Variants in KCNIP4 observed in about 807,000 individuals in gnomAD.
The protein encoded by KCNIP4 is Kv channel-interacting protein 4.
In KCNIP4, 12 loss-of-function variants were observed where a neutral mutation model predicts 34.0. That is an observed-to-expected ratio of 0.35 (90% CI 0.23 to 0.57). The LOEUF is 0.57. KCNIP4 is among the 20% of genes least tolerant of loss of function. The probability of loss-of-function intolerance (pLI) is 0.83; values close to 1 mark genes in which losing one functional copy is unlikely to be tolerated. For synonymous variants in KCNIP4, 124 were observed against 102.2 expected, an observed-to-expected ratio of 1.21 and a Z score of -1.29; for missense variants, 238 against 311.7, an observed-to-expected ratio of 0.76 and a Z score of 1.78.
At chr4:21,476,816 C>T (rs185852936) in intron 1 of KCNIP4, among the ~76,000 whole-genome samples, 2 of 152,226 alleles carry the variant, frequency 1.3e-5, no homozygotes, top group African/African-American at 4.8e-5. Flanking sequence ...GTGTGTGTCC[C>T]TTTTCTTAAG....
intron 1 of KCNIP4, among the ~76,000 whole-genome samples, chr4:21,653,161 T>C (rs1210619471): frequency 6.6e-6 from 1 of 152,222 alleles, no homozygotes; most frequent in Non-Finnish European, 1.5e-5. Flanking sequence ...CATTGCAATG[T>C]ATCTGTTTGT....
intron 1 of KCNIP4, among the ~76,000 whole-genome samples, chr4:21,003,890 G>A (rs1406691941): frequency 6.6e-6 from 1 of 152,120 alleles, no homozygotes; most frequent in Admixed American, 6.5e-5. Flanking sequence ...GTCTGGAATC[G>A]CATGATGTGT....
At chr4:21,024,992 T>C (rs1577554861) in intron 1 of KCNIP4, among the ~76,000 whole-genome samples, 1 of 152,346 alleles carries the variant, frequency 6.6e-6, no homozygotes, top group African/African-American at 2.4e-5. Context: ...TTTAAATATG[T>C]AGAGCTTATT....
intron 1 of KCNIP4, among the ~76,000 whole-genome samples, chr4:21,000,609 C>T (rs561891015): frequency 2.2e-4 from 34 of 151,936 alleles, no homozygotes; most frequent in African/African-American, 6.8e-4. Flanking sequence ...GACTTGAACC[C>T]GGGAGGTGGA....
intron 1 of KCNIP4, among the ~76,000 whole-genome samples, chr4:21,043,841 G>A (rs1291038987): frequency 6.6e-6 from 1 of 152,134 alleles, no homozygotes; most frequent in Non-Finnish European, 1.5e-5. Flanking sequence ...AAGCATGAAA[G>A]AGGAAACTTG....
At chr4:21,244,925 C>T (rs904493491) in intron 1 of KCNIP4, among the ~76,000 whole-genome samples, 3 of 152,098 alleles carry the variant, frequency 2.0e-5, no homozygotes, top group African/African-American at 7.2e-5. Context: ...GTATTAAATG[C>T]TACTGAATCA....
At chr4:21,624,952 A>G (rs2109187551) in intron 1 of KCNIP4, among the ~76,000 whole-genome samples, 1 of 152,276 alleles carries the variant, frequency 6.6e-6, no homozygotes, top group East Asian at 1.9e-4. Context: ...GTGACAAAGT[A>G]GCTGACAGAA....
chr4:21,746,481 C>T (rs898534355), intron 1 of KCNIP4, among the ~76,000 whole-genome samples: 16 of 151,854 alleles, frequency 1.1e-4, no homozygotes, highest in African/African-American at 3.9e-4. Context: ...ACTTTGAATG[C>T]TATTGGCAGG....
intron 2 of KCNIP4, among the ~76,000 whole-genome samples, chr4:20,864,406 C>T (rs1722652802): frequency 6.7e-6 from 1 of 150,208 alleles, no homozygotes; most frequent in Admixed American, 6.7e-5. Context: ...ATATATATAA[C>T]ATATATATAC....
chr4:21,593,668 G>A (rs916806217), intron 1 of KCNIP4, among the ~76,000 whole-genome samples: 2 of 152,072 alleles, frequency 1.3e-5, no homozygotes, highest in Admixed American at 6.6e-5. Flanking sequence ...GCCAGCTGGT[G>A]AGAATTCCCA....
chr4:21,353,839 A>G (rs1020989452), intron 1 of KCNIP4, among the ~76,000 whole-genome samples: 7 of 152,176 alleles, frequency 4.6e-5, no homozygotes, highest in Admixed American at 1.3e-4. Flanking sequence ...CCCAAGACAC[A>G]CAATTATCAG....
chr4:20,887,937 A>G (rs930122367), intron 1 of KCNIP4, among the ~76,000 whole-genome samples: 7 of 152,110 alleles, frequency 4.6e-5, no homozygotes, highest in Admixed American at 3.3e-4. Flanking sequence ...TGACAATAAT[A>G]ACATGAAAGT....
chr4:21,684,636 A>C (rs1750671007), intron 1 of KCNIP4, among the ~76,000 whole-genome samples: 1 of 152,172 alleles, frequency 6.6e-6, no homozygotes, highest in African/African-American at 2.4e-5. Context: ...CAAGATTAAT[A>C]GTTAATCTTA....
chr4:20,776,182 C>G (rs1756352513), intron 3 of KCNIP4, among the ~76,000 whole-genome samples: 1 of 152,140 alleles, frequency 6.6e-6, no homozygotes, highest in Non-Finnish European at 1.5e-5. Flanking sequence ...CTCTTCAAAA[C>G]TTATATGAGC....
intron 1 of KCNIP4, among the ~76,000 whole-genome samples, chr4:21,111,798 G>T (rs1437161831): frequency 1.3e-5 from 2 of 152,132 alleles, no homozygotes; most frequent in Admixed American, 1.3e-4. Context: ...ACAGTGCGGA[G>T]AAATGATGGA....
At chr4:21,811,136 C>T (rs1721626582) in intron 1 of KCNIP4, among the ~76,000 whole-genome samples, 1 of 152,112 alleles carries the variant, frequency 6.6e-6, no homozygotes, top group African/African-American at 2.4e-5. Flanking sequence ...AAAAGTAACA[C>T]AAATGAGAGA....
chr4:21,254,042 G>A (rs1760896584), intron 1 of KCNIP4, among the ~76,000 whole-genome samples: 1 of 152,206 alleles, frequency 6.6e-6, no homozygotes, highest in African/African-American at 2.4e-5. Context: ...CAGGGGTAAG[G>A]GAGAGGTGAG....
At chr4:21,068,590 C>A (rs1036778395) in intron 1 of KCNIP4, among the ~76,000 whole-genome samples, 6 of 152,112 alleles carry the variant, frequency 3.9e-5, no homozygotes, top group Non-Finnish European at 8.8e-5. Context: ...GGAATACTTT[C>A]TCTCTCTCTG....
chr4:20,875,473 AG>A (rs1215859931), intron 2 of KCNIP4, among the ~76,000 whole-genome samples: 3 of 152,366 alleles, frequency 2.0e-5, no homozygotes, highest in Admixed American at 1.3e-4. Flanking sequence ...ACACATAGTA[AG>A]TTCTAAATGT....
Sources: allele counts gnomAD v4.1 joint callset (sites outside exome capture counted in the v4.1 genomes callset), GRCh38; gene constraint gnomAD v4.1.1; transcripts MANE v1.5; gene names NCBI Gene and HGNC (gene_info 2026-07-23, HGNC 2026-07-21).